HORMAD2: variants seen among roughly 807,000 people sequenced by gnomAD.
The protein encoded by HORMAD2 is HORMA domain-containing protein 2.
HORMAD2 carries 45 observed loss-of-function variants against 38.8 expected under a neutral mutation model. The observed-to-expected ratio is 1.16, with a 90% CI of 0.91 to 1.49. The LOEUF is 1.49. HORMAD2 is among the 40% of genes most tolerant of loss of function. HORMAD2 has a pLI of 0.00. For missense variants in HORMAD2, 338 were observed against 367.0 expected (o/e 0.92, Z 0.65); for synonymous variants, 126 against 122.8 (o/e 1.03, Z -0.17).
chr22:30,158,564 CT>C (rs1265577905), intron 10 of HORMAD2, among the ~76,000 whole-genome samples: 2 of 94,922 alleles, frequency 2.1e-5, no homozygotes, highest in Non-Finnish European at 4.0e-5. Context: ...CTCCCCTCCC[CT>C]CCCTTCCCCT....
intron 3 of HORMAD2, among the ~76,000 whole-genome samples, chr22:30,101,027 A>G (rs1920939822): frequency 6.6e-6 from 1 of 152,204 alleles, no homozygotes. Flanking sequence ...CAGTGTGGCA[A>G]TTCCTCAAGG....
intron 2 of HORMAD2, 104 bp downstream of exon 2, chr22:30,094,107 A>G: frequency 3.8e-6 from 3 of 791,848 alleles, no homozygotes; most frequent in Non-Finnish European, 6.2e-6. Context: ...CAGTTTTATC[A>G]GTTAATTGGC....
chr22:30,176,614 T>A lies in HORMAD2; in HGVS notation c.*447T>A, dbSNP rs745451358. On this transcript the variant is annotated 3_prime_UTR_variant, in exon 11 of 11. Transcript: ENST00000336726. Reference sequence around the variant, plus strand: ...TATTAAAAATTCCCACAGAGTTGCATAGGATGTGTGGAGGTGCTTATCCAG... The same window carrying A: ...TATTAAAAATTCCCACAGAGTTGCAAAGGATGTGTGGAGGTGCTTATCCAG... 6.4e-6 allele frequency: 1 copy of A among 155,822 alleles called. No individual in the cohort carries two copies. The highest frequency in any genetic ancestry group is 1.4e-5 in the Non-Finnish European group (1 of 70,020). 9.7% of individuals were successfully genotyped at this position (155,822 alleles called of 1,614,324 possible).
At chr22:30,150,094 C>T (rs1924654993) in intron 10 of HORMAD2, among the ~76,000 whole-genome samples, 1 of 152,078 alleles carries the variant, frequency 6.6e-6, no homozygotes, top group African/African-American at 2.4e-5. Context: ...GGGAAACTTT[C>T]TTCAATTATT....
intron 10 of HORMAD2, among the ~76,000 whole-genome samples, chr22:30,126,903 ATTG>A (rs1171450688): frequency 1.3e-5 from 2 of 152,214 alleles, no homozygotes; most frequent in Non-Finnish European, 2.9e-5. Flanking sequence ...GTGGTATGTC[ATTG>A]TTGTTTTAAT....
intron 1 of HORMAD2, among the ~76,000 whole-genome samples, chr22:30,091,348 C>T (rs1418601215): frequency 6.7e-6 from 1 of 148,938 alleles, no homozygotes; most frequent in African/African-American, 2.5e-5. Context: ...CACTGCACTG[C>T]AGCCTTGAAC....
intron 10 of HORMAD2, among the ~76,000 whole-genome samples, chr22:30,161,086 A>G (rs1399183995): frequency 2.0e-5 from 3 of 152,164 alleles, no homozygotes; most frequent in African/African-American, 7.2e-5. Context: ...GAGGAACTTT[A>G]CTGGGGAGGC....
intron 5 of HORMAD2, chr22:30,105,273 C>A: frequency 5.8e-6 from 1 of 173,898 alleles, no homozygotes; most frequent in South Asian, 1.3e-4. Flanking sequence ...CCACACACCT[C>A]TCAGATCATA....
intron 10 of HORMAD2, among the ~76,000 whole-genome samples, chr22:30,130,586 CTTTTTTTTTTT>C (rs66636269): frequency 1.1e-5 from 1 of 87,912 alleles, no homozygotes; most frequent in African/African-American, 3.9e-5. Context: ...CTTTTCTTTT[CTTTTTTTTTTT>C]TTTTTTTTTT....
intron 10 of HORMAD2, among the ~76,000 whole-genome samples, chr22:30,127,240 G>A (rs369834836): frequency 8.6e-6 from 1 of 116,812 alleles, no homozygotes; most frequent in African/African-American, 3.3e-5. Context: ...ACGGAGTCTC[G>A]CTCTGTCGCC....
intron 10 of HORMAD2, among the ~76,000 whole-genome samples, chr22:30,168,482 C>T (rs1427562738): frequency 2.0e-5 from 3 of 152,164 alleles, no homozygotes; most frequent in African/African-American, 4.8e-5. Context: ...TTGGATACCT[C>T]ATTCCAATTC....
At chr22:30,089,356 T>TTC (rs11447282) in intron 1 of HORMAD2, among the ~76,000 whole-genome samples, 15 of 101,286 alleles carry the variant, frequency 1.5e-4, no homozygotes, top group South Asian at 7.6e-4. Flanking sequence ...CTGCTGCTTC[T>TTC]TTTTTTTTTT....
chr22:30,128,147 T>C (rs1401135644), intron 10 of HORMAD2, among the ~76,000 whole-genome samples: 4 of 152,240 alleles, frequency 2.6e-5, no homozygotes, highest in African/African-American at 9.6e-5. Context: ...AACCAGTAGA[T>C]GAAAATTATG....
At chr22:30,089,008 G>A (rs2068633728) in intron 1 of HORMAD2, among the ~76,000 whole-genome samples, 1 of 152,108 alleles carries the variant, frequency 6.6e-6, no homozygotes, top group African/African-American at 2.4e-5. Context: ...AACTATTGGT[G>A]GTTTTCAGTC....
At chr22:30,207,227 G>A in the HORMAD2 span, 2 of 396,336 alleles carry the variant, frequency 5.0e-6, no homozygotes, top group East Asian at 7.8e-5. Flanking sequence ...TGGGACGACA[G>A]GTGCATGTGA....
At chr22:30,190,228 T>G in the HORMAD2 span, among the ~76,000 whole-genome samples, 2 of 152,168 alleles carry the variant, frequency 1.3e-5, no homozygotes, top group Non-Finnish European at 1.5e-5. Context: ...AACCCTCTCT[T>G]TCTCTACTAA....
At chr22:30,078,056 G>A (rs1301935557), upstream of HORMAD2, among the ~76,000 whole-genome samples, 1 of 152,188 alleles carries the variant, frequency 6.6e-6, no homozygotes, top group African/African-American at 2.4e-5. Flanking sequence ...AGGCACAGGG[G>A]CTTATTAATC....
At chr22:30,102,176 C>T (rs1920951860) in intron 3 of HORMAD2, among the ~76,000 whole-genome samples, 1 of 152,132 alleles carries the variant, frequency 6.6e-6, no homozygotes, top group Admixed American at 6.5e-5. Flanking sequence ...TGTATTATGA[C>T]ATCTTTTGGT....
chr22:30,160,982 T>G (rs1444991244), intron 10 of HORMAD2, among the ~76,000 whole-genome samples: 2 of 152,216 alleles, frequency 1.3e-5, no homozygotes, highest in East Asian at 3.9e-4. Context: ...TTTAGGGGTT[T>G]TCTATTTCTC....
Sources: allele counts gnomAD v4.1 joint callset (sites outside exome capture counted in the v4.1 genomes callset), GRCh38; gene constraint gnomAD v4.1.1; transcripts MANE v1.5; gene names NCBI Gene and HGNC (gene_info 2026-07-23, HGNC 2026-07-21).